The following CNGB3 variants were observed in gnomAD, a reference collection of about 807,000 sequenced individuals.
The protein encoded by CNGB3 is cyclic nucleotide-gated channel beta-3.
In CNGB3, 86 loss-of-function variants were observed where a neutral mutation model predicts 92.8. The ratio of observed to expected loss-of-function variants is 0.93; its 90% CI spans 0.78 to 1.11. The LOEUF (loss-of-function observed/expected upper bound fraction) is 1.11, where lower values mean the gene tolerates loss of function less well. Among genes scored for constraint, CNGB3 ranks in the 50% least tolerant of loss-of-function variants. CNGB3 has a pLI of 0.00. For missense variants in CNGB3, 1,026 were observed against 956.8 expected (o/e 1.07, Z -0.95); for synonymous variants, 333 against 332.7 (o/e 1.00, Z -0.01).
chr8:86,633,404 AGATTG>A lies in CNGB3; in HGVS notation c.1179-516_1179-512del, dbSNP rs1472587525. ...TCACATGTCTGATCCTGAGCTGGGA[AGATTG>A]GAACAGTAGAGGGTGGCTGGGTATC... On this transcript the variant is annotated intron_variant, in intron 10 of 17. Transcript: ENST00000320005. Among the ~76,000 whole-genome samples, 85 of 152,278 alleles carry A rather than the reference AGATTG, an allele frequency of 5.6e-4. 1 individual carries two copies. The highest frequency in any genetic ancestry group is 2.0e-3 in the African/African-American group (82 of 41,562).
intron 2 of CNGB3, among the ~76,000 whole-genome samples, chr8:86,736,588 A>T (rs1825253727): frequency 1.3e-5 from 2 of 152,162 alleles, no homozygotes; most frequent in Admixed American, 1.3e-4. Context: ...ACTCAGAAAA[A>T]AAGAATTGTA....
In CNGB3 at chr8:86,665,992, C is replaced by T. The variant is rs535609499; in HGVS notation, c.852+933G>A. ...AACCCTGTGCTTGATTTCTCTACTA[C>T]ATGGAGGCACTTCACTTGGTTCCTA... On this transcript the variant is annotated intron_variant, in intron 6 of 17. Transcript: ENST00000320005. 3.9e-5 allele frequency among the ~76,000 whole-genome samples: 6 copies of T among 152,360 alleles called. No individual in the cohort carries two copies. The South Asian group carries it at 1.2e-3, about 32-fold the overall frequency.
In CNGB3 at chr8:86,632,299, G is replaced by A. The variant is rs111262020; in HGVS notation, c.1320+453C>T. Among the ~76,000 whole-genome samples the A allele has an allele frequency of 7.7e-4, 116 of 150,304 alleles. 1 individual carries two copies. In the South Asian group the frequency reaches 0.012, roughly 16 times the overall value. ...AATTTCTTACTAGACTGACTTTTTT[G>A]AGAATAAATACAAGGAGATGCTATA... On this transcript the variant is annotated intron_variant, in intron 11 of 17. Transcript: ENST00000320005.
chr8:86,613,840 G>A (rs1822563690), intron 13 of CNGB3, among the ~76,000 whole-genome samples: 1 of 148,678 alleles, frequency 6.7e-6, no homozygotes, highest in Non-Finnish European at 1.5e-5. Flanking sequence ...TTTAAATATT[G>A]TTTTCCTGTG....
At chr8:86,589,278 T>C (rs952552739) in intron 15 of CNGB3, among the ~76,000 whole-genome samples, 6 of 151,320 alleles carry the variant, frequency 4.0e-5, no homozygotes, top group Non-Finnish European at 8.8e-5. Context: ...GTTGATCCTT[T>C]CAAAAAACCA....
intron 11 of CNGB3, among the ~76,000 whole-genome samples, chr8:86,630,354 C>A (rs1822938784): frequency 6.6e-6 from 1 of 152,138 alleles, no homozygotes; most frequent in Non-Finnish European, 1.5e-5. Flanking sequence ...CTATTAAAAG[C>A]ATTATTGATT....
intron 3 of CNGB3, among the ~76,000 whole-genome samples, chr8:86,675,233 A>G (rs942705629): frequency 2.6e-5 from 4 of 151,792 alleles, no homozygotes; most frequent in African/African-American, 4.8e-5. Context: ...GAGTGCCGGC[A>G]TTTCTTTTGT....
intron 3 of CNGB3, among the ~76,000 whole-genome samples, chr8:86,704,965 C>T (rs1000974290): frequency 1.3e-5 from 2 of 151,992 alleles, no homozygotes; most frequent in East Asian, 1.9e-4. Context: ...CAGCAACCCA[C>T]GAACTAGAAA....
chr8:86,644,333 T>G (rs1281073722), intron 9 of CNGB3, among the ~76,000 whole-genome samples: 1 of 151,410 alleles, frequency 6.6e-6, no homozygotes, highest in African/African-American at 2.4e-5. Context: ...TGAGAAAGGT[T>G]TAAAGTTAAC....
rs371349259 is a variant in CNGB3 at position 86,678,482 on chromosome 8, T to C, written c.339-7384A>G. Among the ~76,000 whole-genome samples the C allele has an allele frequency of 2.6e-5, 4 of 152,336 alleles. No homozygotes were observed. In the East Asian group the frequency reaches 7.7e-4, roughly 29 times the overall value. ...ACATCAGTTTGTACATATGGTAATG[T>C]ACATATGGATGTTATGATGCACAAT... On this transcript the variant is annotated intron_variant, in intron 3 of 17. Transcript: ENST00000320005.
chr8:86,694,800 C>T (rs1824414254), intron 3 of CNGB3, among the ~76,000 whole-genome samples: 1 of 151,744 alleles, frequency 6.6e-6, no homozygotes, highest in South Asian at 2.1e-4. Flanking sequence ...GGCAGAGACG[C>T]TCCTCACTTT....
intron 3 of CNGB3, among the ~76,000 whole-genome samples, chr8:86,689,938 A>C (rs1169278234): frequency 6.6e-6 from 1 of 152,218 alleles, no homozygotes; most frequent in Non-Finnish European, 1.5e-5. Flanking sequence ...TATATGTGCC[A>C]CATTTTCTTA....
intron 4 of CNGB3, among the ~76,000 whole-genome samples, chr8:86,669,469 T>A (rs1450128070): frequency 1.3e-5 from 2 of 152,216 alleles, no homozygotes; most frequent in East Asian, 3.8e-4. Flanking sequence ...GATTTTCACA[T>A]ACTTTGGAGC....
chr8:86,727,210 G>A (rs957640722), intron 2 of CNGB3, among the ~76,000 whole-genome samples: 1 of 152,102 alleles, frequency 6.6e-6, no homozygotes, highest in Non-Finnish European at 1.5e-5. Context: ...TGTAATTGAA[G>A]TTGGTGTATT....
intron 6 of CNGB3, chr8:86,660,243 GT>G: frequency 3.3e-6 from 1 of 305,850 alleles, no homozygotes; most frequent in South Asian, 3.2e-5. Flanking sequence ...TTCTCTCAAT[GT>G]TTTCTTGGCC....
intron 3 of CNGB3, among the ~76,000 whole-genome samples, chr8:86,705,266 C>T (rs945576050): frequency 1.6e-4 from 25 of 152,172 alleles, no homozygotes; most frequent in African/African-American, 5.5e-4. Flanking sequence ...TCATTTTCAT[C>T]GTTTAAGTTT....
intron 2 of CNGB3, among the ~76,000 whole-genome samples, chr8:86,734,712 T>TAAC (rs1266748431): frequency 6.6e-6 from 1 of 152,160 alleles, no homozygotes; most frequent in African/African-American, 2.4e-5. Flanking sequence ...TGACAAGGTG[T>TAAC]AACACCTGGC....
rs376819740 is a variant in CNGB3 at position 86,599,408 on chromosome 8, C to T, written c.1781+4685G>A. 1.3e-3 allele frequency among the ~76,000 whole-genome samples: 201 copies of T among 152,254 alleles called. 2 individuals are homozygous for T. Among genetic ancestry groups the T allele is most frequent in the African/African-American group, 4.8e-3 (198 of 41,548 alleles). ...GTGTTTGAACAATATGAAATCTGGA[C>T]ACCTTGAAAAAAGAACAGGATAACA... On this transcript the variant is annotated intron_variant, in intron 15 of 17. Coordinates refer to ENST00000320005, the MANE Select transcript of CNGB3 (RefSeq NM_019098.5).
intron 6 of CNGB3, among the ~76,000 whole-genome samples, chr8:86,665,208 A>G (rs759874160): frequency 2.6e-5 from 4 of 152,170 alleles, no homozygotes; most frequent in Non-Finnish European, 5.9e-5. Flanking sequence ...AATCAAAACC[A>G]CAATGAGATA....
Sources: allele counts gnomAD v4.1 joint callset (sites outside exome capture counted in the v4.1 genomes callset), GRCh38; gene constraint gnomAD v4.1.1; transcripts MANE v1.5; gene names NCBI Gene and HGNC (gene_info 2026-07-23, HGNC 2026-07-21).